Variants in HIVEP3 observed in about 807,000 individuals in gnomAD.
HIVEP3 encodes the protein HIVEP zinc finger 3.
HIVEP3 carries 49 observed loss-of-function variants against 152.8 expected under a neutral mutation model. The ratio of observed to expected loss-of-function variants is 0.32; its 90% CI spans 0.26 to 0.41. The LOEUF (loss-of-function observed/expected upper bound fraction) is 0.41, where lower values mean the gene tolerates loss of function less well. HIVEP3 is among the 10% of genes least tolerant of loss of function. The pLI, the probability that HIVEP3 is intolerant of heterozygous loss-of-function variation, is 1.00. For synonymous variants in HIVEP3, 1,269 were observed against 1,289.0 expected, an observed-to-expected ratio of 0.98 and a Z score of 0.33; for missense variants, 2,790 against 3,103.3, an observed-to-expected ratio of 0.90 and a Z score of 2.40.
chr1:41,864,356 G>A (rs74605380), intron 1 of HIVEP3, among the ~76,000 whole-genome samples: 138 of 152,328 alleles, frequency 9.1e-4, no homozygotes, highest in African/African-American at 3.2e-3. Flanking sequence ...TTATGGATAA[G>A]AAAATGAAGA....
chr1:41,883,426 G>A (rs563718860), intron 1 of HIVEP3, among the ~76,000 whole-genome samples: 31 of 152,266 alleles, frequency 2.0e-4, no homozygotes, highest in African/African-American at 6.5e-4. Flanking sequence ...AGAGTGAAAC[G>A]GGGTGGACAG....
Position 41,533,472 on chromosome 1 carries a change from C to T in HIVEP3, c.5208-8562G>A, listed in dbSNP as rs2149064287. ...GGGCCAGCTCTGCTGTCCCTCTTTCCTGCACAGCCCGGATCTGGAGAGGGC... is the reference window on the plus strand; with the variant it reads ...GGGCCAGCTCTGCTGTCCCTCTTTCTTGCACAGCCCGGATCTGGAGAGGGC... On this transcript the variant is annotated intron_variant, in intron 5 of 8. Transcript: ENST00000372583. This position sits in a 1 kb window ranked among gnomAD's most constrained non-coding sequence, Gnocchi z 4.3. 6.6e-6 allele frequency among the ~76,000 whole-genome samples: 1 copy of T among 152,244 alleles called. No homozygotes were observed. The highest frequency in any genetic ancestry group is 2.1e-4 in the South Asian group (1 of 4,820).
chr1:41,951,148 G>A (rs1417667576), intron 1 of HIVEP3, among the ~76,000 whole-genome samples: 1 of 152,100 alleles, frequency 6.6e-6, no homozygotes, highest in East Asian at 1.9e-4. Context: ...GACCATAAAA[G>A]CAATTAAATA....
intron 1 of HIVEP3, among the ~76,000 whole-genome samples, chr1:41,910,189 C>T (rs1175620763): frequency 2.0e-5 from 3 of 151,616 alleles, no homozygotes; most frequent in Non-Finnish European, 4.4e-5. Flanking sequence ...TCTTAAAAGA[C>T]CATTTAACAA....
intron 1 of HIVEP3, among the ~76,000 whole-genome samples, chr1:41,849,399 C>G (rs1643532756): frequency 6.6e-6 from 1 of 152,194 alleles, no homozygotes; most frequent in Non-Finnish European, 1.5e-5. Flanking sequence ...ATCAGTCTCC[C>G]CAGAAGCACA....
intron 1 of HIVEP3, among the ~76,000 whole-genome samples, chr1:41,853,625 T>A (rs1220051977): frequency 6.6e-6 from 1 of 152,048 alleles, no homozygotes. Context: ...GCAAACCATA[T>A]CAGAGGTGTT....
At chr1:42,004,502 T>C (rs926542730) in intron 1 of HIVEP3, among the ~76,000 whole-genome samples, 2 of 152,182 alleles carry the variant, frequency 1.3e-5, no homozygotes, top group African/African-American at 2.4e-5. Flanking sequence ...TCTGAGTTAC[T>C]ATTGCATCAT....
At chr1:41,626,499 C>T (rs965736342) in intron 3 of HIVEP3, among the ~76,000 whole-genome samples, 14 of 152,246 alleles carry the variant, frequency 9.2e-5, no homozygotes, top group African/African-American at 1.4e-4. Flanking sequence ...GGGCACGAAG[C>T]GGGGGGAGGG....
chr1:41,755,319 A>G (rs185145025), intron 1 of HIVEP3, among the ~76,000 whole-genome samples: 22 of 152,362 alleles, frequency 1.4e-4, no homozygotes, highest in Non-Finnish European at 2.2e-4. Flanking sequence ...GAGGTAATAG[A>G]TTTAAACATA....
At chr1:41,714,514 G>T (rs1646561335) in intron 1 of HIVEP3, among the ~76,000 whole-genome samples, 1 of 152,206 alleles carries the variant, frequency 6.6e-6, no homozygotes, top group Non-Finnish European at 1.5e-5. Flanking sequence ...GGGATGAGGG[G>T]ATGGGATTTG....
intron 1 of HIVEP3, among the ~76,000 whole-genome samples, chr1:41,775,204 C>G (rs948265804): frequency 6.6e-6 from 1 of 152,196 alleles, no homozygotes; most frequent in African/African-American, 2.4e-5. Context: ...TCCCTCCCTC[C>G]CTCCATCCAT....
chr1:41,971,678 A>T (rs566932560), intron 1 of HIVEP3, among the ~76,000 whole-genome samples: 3 of 152,076 alleles, frequency 2.0e-5, no homozygotes, highest in Non-Finnish European at 4.4e-5. Context: ...ACCACACACT[A>T]CTCAGTTAGG....
At position 41,545,024 on chromosome 1, in the gene HIVEP3, C is replaced by CTCT. The variant is rs201946208; in HGVS notation, c.5208-20115_5208-20114insAGA. Among the ~76,000 whole-genome samples the CTCT allele has an allele frequency of 1.8e-5, 2 of 110,456 alleles. 1 individual carries two copies. 72.5% of individuals were successfully genotyped at this position (110,456 alleles called of 152,430 possible). A position where few individuals can be genotyped will look rare whatever the true frequency, so the allele number is the denominator to read the frequency against. ...CCATCACCACCACCACCACTACCAC[C>CTCT]ACCACCACCACCAATACCACTACCA... On this transcript the variant is annotated intron_variant, in intron 5 of 8. Coordinates refer to ENST00000372583, the MANE Select transcript of HIVEP3 (RefSeq NM_024503.5).
intron 1 of HIVEP3, among the ~76,000 whole-genome samples, chr1:42,012,306 C>G (rs950228248): frequency 6.6e-6 from 1 of 152,142 alleles, no homozygotes; most frequent in African/African-American, 2.4e-5. Context: ...TGCGTACCCC[C>G]CAAATTCATA....
At chr1:41,529,401 C>T (rs1300481311) in intron 5 of HIVEP3, among the ~76,000 whole-genome samples, 1 of 140,668 alleles carries the variant, frequency 7.1e-6, no homozygotes, top group African/African-American at 2.7e-5. Context: ...CACACACATG[C>T]TCATACCCCA....
At chr1:41,889,775 A>G (rs1220402276) in intron 1 of HIVEP3, among the ~76,000 whole-genome samples, 1 of 152,198 alleles carries the variant, frequency 6.6e-6, no homozygotes, top group Admixed American at 6.5e-5. Flanking sequence ...GACTCTGATT[A>G]CCACGGTGAC....
Position 41,857,872 on chromosome 1 carries a change from T to A in HIVEP3, c.-801+60541A>T, listed in dbSNP as rs569972494. Reference sequence around the variant, plus strand: ...CTAACTTTCAGATTACTTTTGCAGCTCAGAAAGCAAGGACAACCTGGATAT... The same window carrying A: ...CTAACTTTCAGATTACTTTTGCAGCACAGAAAGCAAGGACAACCTGGATAT... On this transcript the variant is annotated intron_variant, in intron 1 of 8. Coordinates refer to ENST00000372583, the MANE Select transcript of HIVEP3 (RefSeq NM_024503.5). Among the ~76,000 whole-genome samples the A allele has an allele frequency of 2.0e-5, 3 of 152,154 alleles. No individual in the cohort carries two copies. The South Asian group carries it at 6.2e-4, about 32-fold the overall frequency.
chr1:41,552,200 GTTTA>G (rs1242105785), intron 5 of HIVEP3, among the ~76,000 whole-genome samples: 7 of 152,144 alleles, frequency 4.6e-5, no homozygotes, highest in African/African-American at 7.2e-5. Flanking sequence ...TTTTGAATGA[GTTTA>G]TTTATTTATT....
At chr1:41,891,228 G>A (rs138387513) in intron 1 of HIVEP3, among the ~76,000 whole-genome samples, 3,365 of 152,164 alleles carry the variant, frequency 0.022, 70 homozygotes, top group Middle Eastern at 0.027. Flanking sequence ...TCTAATCAAT[G>A]TGCAGGAACA....
Sources: gnomAD v4.1 joint callset for allele counts (sites outside exome capture counted in the v4.1 genomes callset) on GRCh38, gnomAD v4.1.1 for gene constraint, Gnocchi (gnomAD v3.1) non-coding constraint, MANE v1.5 for transcripts, NCBI Gene and HGNC (gene_info 2026-07-23, HGNC 2026-07-21) for gene names.